Variants in NEDD9 observed in about 807,000 individuals in gnomAD.
NEDD9 encodes enhancer of filamentation 1.
Under a neutral mutation model 76.6 loss-of-function variants are expected in NEDD9, and 26 were observed. The observed-to-expected ratio is 0.34, with a 90% CI of 0.25 to 0.47. The LOEUF is 0.47. Among genes scored for constraint, NEDD9 ranks in the 20% least tolerant of loss-of-function variants. The probability of loss-of-function intolerance (pLI) is 1.00; values close to 1 mark genes in which losing one functional copy is unlikely to be tolerated. For missense variants in NEDD9, 937 were observed against 1,058.5 expected (o/e 0.89, Z 1.59); for synonymous variants, 392 against 414.2 (o/e 0.95, Z 0.65).
chr6:11,275,855 G>A (rs917162510), intron 3 of NEDD9, among the ~76,000 whole-genome samples: 1 of 152,094 alleles, frequency 6.6e-6, no homozygotes, highest in Admixed American at 6.5e-5. Flanking sequence ...ACTCAAACTG[G>A]GGGAGGATGT....
chr6:11,261,351 G>T (rs1760110204), intron 3 of NEDD9, among the ~76,000 whole-genome samples: 1 of 152,022 alleles, frequency 6.6e-6, no homozygotes, highest in South Asian at 2.1e-4. Context: ...CTTTCTCCCT[G>T]GTATTCTGCA....
At chr6:11,357,966 A>C (rs2113547158) in intron 1 of NEDD9, among the ~76,000 whole-genome samples, 1 of 152,198 alleles carries the variant, frequency 6.6e-6, no homozygotes, top group Admixed American at 6.5e-5. Flanking sequence ...TAAAGAAGCT[A>C]TGGGGCCGCA....
chr6:11,233,603 C>A, upstream of NEDD9: 1 of 494,622 alleles, frequency 2.0e-6, no homozygotes, highest in Non-Finnish European at 4.1e-6. Flanking sequence ...CGAAAATGCC[C>A]ACTGTTTGAT....
At position 11,370,986 on chromosome 6, in the gene NEDD9, C is replaced by A. The variant is rs1032498269; in HGVS notation, c.-214+11153G>T. Among the ~76,000 whole-genome samples, 2 of 152,094 alleles carry A rather than the reference C, an allele frequency of 1.3e-5. No homozygotes were observed. The highest frequency in any genetic ancestry group is 2.9e-5 in the Non-Finnish European group (2 of 68,006). On this transcript the variant is annotated intron_variant, in intron 1 of 3. Transcript: ENST00000397378. The surrounding 1 kb of genome is among the most constrained non-coding windows in gnomAD (Gnocchi z 4.2). ...GAGCTGAATGAGGAAGGGGACGGAG[C>A]CTGGCAGGGATCTCCCAGAAGGTCC...
Position 11,343,768 on chromosome 6 carries a change from TGAA to T in NEDD9, c.-213-9210_-213-9208del, listed in dbSNP as rs561740266. Among the ~76,000 whole-genome samples, 651 of 152,322 alleles carry T rather than the reference TGAA, an allele frequency of 4.3e-3. 2 individuals carry two copies. The highest frequency in any genetic ancestry group is 0.015 in the African/African-American group (618 of 41,564). On this transcript the variant is annotated intron_variant, in intron 1 of 3. Transcript: ENST00000397378. ...GAGTAGACAGGCTAAAATCATACTG[TGAA>T]ACTCAATATGCTGTGAAACTCAAGA... is the stretch of plus-strand genomic sequence containing the variant.
chr6:11,323,275 C>G (rs961514005), intron 2 of NEDD9, among the ~76,000 whole-genome samples: 1 of 152,216 alleles, frequency 6.6e-6, no homozygotes, highest in Non-Finnish European at 1.5e-5. Flanking sequence ...CTTTACTATA[C>G]CCCCAGGCCT....
intron 3 of NEDD9, among the ~76,000 whole-genome samples, chr6:11,289,421 C>A (rs1351308307): frequency 1.3e-5 from 2 of 152,160 alleles, no homozygotes; most frequent in Non-Finnish European, 2.9e-5. Flanking sequence ...CAGCACCATA[C>A]TTTGCAGCCA....
At chr6:11,193,090 C>T (rs558617952) in intron 3 of NEDD9, among the ~76,000 whole-genome samples, 2 of 151,942 alleles carry the variant, frequency 1.3e-5, no homozygotes, top group East Asian at 1.9e-4. Flanking sequence ...AGACCACTTG[C>T]AGTTAGGAGT....
At chr6:11,256,265 T>C (rs1658561386) in intron 3 of NEDD9, among the ~76,000 whole-genome samples, 1 of 152,210 alleles carries the variant, frequency 6.6e-6, no homozygotes. Context: ...GGCCCCCATC[T>C]GGCTGGAATC....
chr6:11,353,101 A>G (rs1416036399), intron 1 of NEDD9, among the ~76,000 whole-genome samples: 1 of 152,200 alleles, frequency 6.6e-6, no homozygotes, highest in Non-Finnish European at 1.5e-5. Flanking sequence ...TTCTGGGTGA[A>G]CATCCTCTGA....
intron 3 of NEDD9, among the ~76,000 whole-genome samples, chr6:11,243,229 C>T (rs1759742673): frequency 6.6e-6 from 1 of 152,154 alleles, no homozygotes; most frequent in African/African-American, 2.4e-5. Flanking sequence ...GCTTCTGACC[C>T]CTGTTCCATC....
At chr6:11,358,118 G>A (rs1762612869) in intron 1 of NEDD9, among the ~76,000 whole-genome samples, 1 of 152,038 alleles carries the variant, frequency 6.6e-6, no homozygotes, top group African/African-American at 2.4e-5. Context: ...CGTGCGTGCT[G>A]CATGCCTGTA....
chr6:11,291,510 G>A (rs1213142951), intron 3 of NEDD9, among the ~76,000 whole-genome samples: 3 of 152,108 alleles, frequency 2.0e-5, no homozygotes, highest in Non-Finnish European at 4.4e-5. Context: ...TCCTGACCTC[G>A]TGATCAACCT....
intron 2 of NEDD9, among the ~76,000 whole-genome samples, chr6:11,333,644 G>T (rs1169061432): frequency 6.6e-6 from 1 of 152,212 alleles, no homozygotes; most frequent in Non-Finnish European, 1.5e-5. Context: ...GGCAGGGAAG[G>T]CTGTCTCTAC....
intron 1 of NEDD9, among the ~76,000 whole-genome samples, chr6:11,380,402 G>A (rs1050978309): frequency 3.3e-5 from 5 of 152,242 alleles, no homozygotes; most frequent in East Asian, 3.8e-4. Context: ...GCTTGATTCC[G>A]TGTAGATTAT....
At chr6:11,245,530 C>T (rs1346254494) in intron 3 of NEDD9, among the ~76,000 whole-genome samples, 3 of 152,200 alleles carry the variant, frequency 2.0e-5, no homozygotes, top group Admixed American at 6.5e-5. Flanking sequence ...TAATGCTAGG[C>T]ACCTTGGGAG....
intron 2 of NEDD9, among the ~76,000 whole-genome samples, chr6:11,320,782 T>G (rs528592428): frequency 6.6e-6 from 1 of 152,198 alleles, no homozygotes; most frequent in Non-Finnish European, 1.5e-5. Flanking sequence ...AAGTGTAAGA[T>G]GCAGAGCACT....
chr6:11,233,359 C>T, upstream of NEDD9: 3 of 519,018 alleles, frequency 5.8e-6, no homozygotes, highest in South Asian at 2.8e-5. Flanking sequence ...CTCAGAGTTG[C>T]GGGTCACACA....
In NEDD9 at chr6:11,213,605, C is replaced by T; in HGVS notation, c.135G>A (p.Leu45=). 1 of 1,614,208 alleles carries T rather than the reference C, an allele frequency of 6.2e-7. No individual in the cohort carries two copies. The highest frequency in any genetic ancestry group is 8.5e-7 in the Non-Finnish European group (1 of 1,180,036). ...TGCCTTGCCGACCGTGTAATGAGCA[C>T]AGCCACCATCCTTCCAGTCCCCCTG... The part of the protein sequence containing the change: ...QNTGGLEGWW[L]CSLHGRQGIV... Residue 45 remains leucine, a synonymous_variant, in exon 2 of 7, where the codon CTG becomes CTA. Coordinates refer to ENST00000379446, the MANE Select transcript of NEDD9 (RefSeq NM_006403.4). This position sits in a 1 kb window ranked among gnomAD's most constrained non-coding sequence, Gnocchi z 5.4.
Sources: allele counts gnomAD v4.1 joint callset (sites outside exome capture counted in the v4.1 genomes callset), GRCh38; gene constraint gnomAD v4.1.1; non-coding constraint Gnocchi (gnomAD v3.1); transcripts MANE v1.5; gene names NCBI Gene and HGNC (gene_info 2026-07-23, HGNC 2026-07-21).